PRDX6: variants seen among roughly 807,000 people sequenced by gnomAD.
PRDX6 encodes the protein peroxiredoxin-6.
PRDX6 carries 13 observed loss-of-function variants against 20.0 expected under a neutral mutation model. The observed-to-expected ratio is 0.65, with a 90% confidence interval of 0.42 to 1.03. The LOEUF (loss-of-function observed/expected upper bound fraction) is 1.03. Among genes scored for constraint, PRDX6 ranks in the 50% least tolerant of loss-of-function variants. PRDX6 has a pLI of 0.00. For missense variants in PRDX6, 203 were observed against 276.9 expected (o/e 0.73, Z 1.89); for synonymous variants, 85 against 100.8 (o/e 0.84, Z 0.94).
chr1:173,478,583 A>G (rs945486482), intron 1 of PRDX6, among the ~76,000 whole-genome samples: 3 of 152,046 alleles, frequency 2.0e-5, no homozygotes, highest in Non-Finnish European at 4.4e-5. Flanking sequence ...GAAGCATTCC[A>G]GGCATGTCTA....
chr1:173,480,444 T>G (rs527589029), intron 1 of PRDX6, among the ~76,000 whole-genome samples: 1 of 152,320 alleles, frequency 6.6e-6, no homozygotes, highest in Non-Finnish European at 1.5e-5. Flanking sequence ...CCTTTTCAGT[T>G]GAAAGAGTAG....
chr1:173,477,644 G>A (rs1034526775), intron 1 of PRDX6, 152 bp downstream of exon 1: 14 of 657,572 alleles, frequency 2.1e-5, no homozygotes, highest in East Asian at 3.3e-5. Flanking sequence ...GCGCCAGGCC[G>A]TGTGGCCTCT....
chr1:173,487,874 G>C lies in PRDX6; in HGVS notation c.*11G>C, dbSNP rs375411512. ...ACACCCCAGCCTTAAGTCTCTTGGA[G>C]AAGCTGGTGCTGTGAGCCAGAGGAT... On this transcript the variant is annotated 3_prime_UTR_variant, in exon 5 of 5. Transcript: ENST00000340385. The C allele has an allele frequency of 1.9e-6, 3 of 1,611,970 alleles. No individual in the cohort carries two copies. Among genetic ancestry groups the C allele is most frequent in the Non-Finnish European group, 2.5e-6 (3 of 1,179,872 alleles).
At chr1:173,482,536 G>C (rs530472040) in intron 2 of PRDX6, among the ~76,000 whole-genome samples, 1 of 152,302 alleles carries the variant, frequency 6.6e-6, no homozygotes, top group African/African-American at 2.4e-5. Flanking sequence ...GAATTTACTT[G>C]AACAGTAAAT....
At chr1:173,487,017 A>G (rs1265189764) in intron 4 of PRDX6, among the ~76,000 whole-genome samples, 2 of 152,186 alleles carry the variant, frequency 1.3e-5, no homozygotes, top group South Asian at 2.1e-4. Context: ...TTACTTATTT[A>G]TGTACTTATT....
At chr1:173,481,590 T>C in intron 2 of PRDX6, 108 bp downstream of exon 2, 1 of 1,180,678 alleles carries the variant, frequency 8.5e-7, no homozygotes, top group Middle Eastern at 2.0e-4. Context: ...AGGTTCAAAG[T>C]TCACTAATTA....
Position 173,477,389 on chromosome 1 carries a change from A to G in PRDX6, c.-9A>G. ...GCTGTCCCAGCGGCGCCCCCTCATC[A>G]CCGTCGCCATGCCCGGAGGTCTGCT... On this transcript the variant is annotated 5_prime_UTR_variant, in exon 1 of 5. Transcript: ENST00000340385. 6.3e-7 allele frequency: 1 copy of G among 1,599,046 alleles called. No individual in the cohort carries two copies. The highest frequency in any genetic ancestry group is 2.3e-5 in the East Asian group (1 of 43,186).
Position 173,481,840 on chromosome 1 carries a change from A to G in PRDX6, c.252+358A>G, listed in dbSNP as rs116536963. 6.6e-3 allele frequency: 1,465 copies of G among 223,138 alleles called. 19 individuals carry two copies. Among genetic ancestry groups the G allele is most frequent in the African/African-American group, 0.031 (1,318 of 43,128 alleles). 13.8% of individuals were successfully genotyped at this position (223,138 alleles called of 1,614,324 possible). A position where few individuals can be genotyped will look rare whatever the true frequency, so the allele number is the denominator to read the frequency against. On this transcript the variant is annotated intron_variant, in intron 2 of 4. Transcript: ENST00000340385. ...ACCCTGAACTTATTTCTTGGACCTC[A>G]TCTCTTTTCTGTCTGCACTCTTTCC... is the stretch of plus-strand genomic sequence containing the variant.
At position 173,487,760 on chromosome 1, in the gene PRDX6, C is replaced by T. The variant is rs1658923959; in HGVS notation, c.572C>T (p.Pro191Leu). 1 of 1,614,050 alleles carries T rather than the reference C, an allele frequency of 6.2e-7. No individual in the cohort carries two copies. Among genetic ancestry groups the T allele is most frequent in the Non-Finnish European group, 8.5e-7 (1 of 1,179,938 alleles). The change falls in exon 5 of 5, where the codon CCA (proline) becomes CTA (leucine). Residue 191 changes from proline to leucine, a missense_variant. Transcript: ENST00000340385. ...WKDGDSVMVL[P>L]TIPEEEAKKL... ...GATGGGGATAGTGTGATGGTCCTTC[C>T]AACCATCCCTGAAGAAGAAGCCAAA...
intron 3 of PRDX6, 21 bp from the exon 4 acceptor site, chr1:173,486,234 A>C: frequency 3.2e-6 from 5 of 1,565,454 alleles, no homozygotes; most frequent in Non-Finnish European, 4.3e-6. Flanking sequence ...CTTCCTATTT[A>C]TGCCCCTCTG....
At chr1:173,478,515 C>CT (rs933543579) in intron 1 of PRDX6, among the ~76,000 whole-genome samples, 146 of 145,658 alleles carry the variant, frequency 1.0e-3, no homozygotes, top group East Asian at 4.4e-3. Flanking sequence ...CGGTGTTGCC[C>CT]TTTTTTTTTT....
chr1:173,484,255 A>G (rs1406063312), intron 2 of PRDX6, among the ~76,000 whole-genome samples: 14 of 147,948 alleles, frequency 9.5e-5, no homozygotes, highest in Non-Finnish European at 1.5e-4. Flanking sequence ...GTGTGTGTGC[A>G]TATATATATA....
At chr1:173,480,397 A>G (rs566726593) in intron 1 of PRDX6, among the ~76,000 whole-genome samples, 2 of 152,342 alleles carry the variant, frequency 1.3e-5, no homozygotes, top group South Asian at 4.1e-4. Context: ...GGATGGTTTA[A>G]GTTGATGGGG....
intron 1 of PRDX6, among the ~76,000 whole-genome samples, chr1:173,480,912 T>G (rs896732980): frequency 6.6e-6 from 1 of 152,230 alleles, no homozygotes; most frequent in Non-Finnish European, 1.5e-5. Context: ...CATCCATTAT[T>G]GGAGCTGAAT....
rs755828401 is a variant in PRDX6, at chr1:173,485,378, T to C, written c.270T>C (p.Asn90=). 6.2e-6 allele frequency: 10 copies of C among 1,601,698 alleles called. No individual in the cohort carries two copies. In the South Asian group the frequency reaches 7.9e-5, roughly 13 times the overall value. ...TGTTTCAGGATATCAATGCTTACAA[T>C]TGTGAAGAGCCCACAGAAAAGTTAC... ...LAWSKDINAY[N]CEEPTEKLPF... Residue 90 remains asparagine, a synonymous_variant, in exon 3 of 5, where the codon AAT becomes AAC. Coordinates refer to ENST00000340385, the MANE Select transcript of PRDX6 (RefSeq NM_004905.3).
chr1:173,484,100 C>T (rs1217020581), intron 2 of PRDX6, among the ~76,000 whole-genome samples: 10 of 114,888 alleles, frequency 8.7e-5, no homozygotes, highest in African/African-American at 2.9e-4. Flanking sequence ...GCCTGGGCGA[C>T]AGCAAGACTC....
rs915551010 is a variant in PRDX6, at chr1:173,478,398, C to A, written c.95+906C>A. On this transcript the variant is annotated intron_variant, in intron 1 of 4. Coordinates refer to ENST00000340385, the MANE Select transcript of PRDX6 (RefSeq NM_004905.3). ...CCAGTGGCTTGCCCCTCACTGTCCC[C>A]TCCGCTTTCTACCTTGCTTCTAGCA... 2.6e-5 allele frequency among the ~76,000 whole-genome samples: 4 copies of A among 152,328 alleles called. No individual in the cohort carries two copies. The East Asian group carries it at 7.7e-4, about 29-fold the overall frequency.
chr1:173,486,185 C>A, intron 3 of PRDX6, 70 bp from the exon 4 acceptor site: 1 of 1,366,944 alleles, frequency 7.3e-7, no homozygotes, highest in South Asian at 1.6e-5. Flanking sequence ...TTAATGACTG[C>A]AGAGCTTTCT....
At chr1:173,477,568 C>G (rs1658718585) in intron 1 of PRDX6, 76 bp downstream of exon 1, 8 of 1,245,694 alleles carry the variant, frequency 6.4e-6, no homozygotes, top group Non-Finnish European at 9.1e-6. Flanking sequence ...TTTCTTCTCC[C>G]TGCCGTCCTC....
Sources: gnomAD v4.1 joint callset for allele counts (sites outside exome capture counted in the v4.1 genomes callset) on GRCh38, gnomAD v4.1.1 for gene constraint, MANE v1.5 for transcripts, NCBI Gene and HGNC (gene_info 2026-07-23, HGNC 2026-07-21) for gene names.